Variants in AMPH observed in about 807,000 individuals in gnomAD.
AMPH encodes amphiphysin.
Under a neutral mutation model 99.1 loss-of-function variants are expected in AMPH, and 49 were observed. That is an observed-to-expected ratio of 0.49 (90% CI 0.39 to 0.63). The LOEUF (loss-of-function observed/expected upper bound fraction) is 0.63. Ranked by LOEUF, AMPH falls within the 20% of genes least tolerant of loss-of-function variation. The pLI is 0.00. For synonymous variants in AMPH, 314 were observed against 317.3 expected (o/e 0.99, Z 0.11); for missense variants, 759 against 863.4 (o/e 0.88, Z 1.52).
intron 2 of AMPH, among the ~76,000 whole-genome samples, chr7:38,510,023 C>G (rs1789481180): frequency 6.6e-6 from 1 of 152,152 alleles, no homozygotes; most frequent in South Asian, 2.1e-4. Flanking sequence ...CAGGCCTAAT[C>G]AACAGCCAGA....
intron 15 of AMPH, among the ~76,000 whole-genome samples, chr7:38,426,328 A>AC (rs1785781870): frequency 6.6e-6 from 1 of 152,178 alleles, no homozygotes; most frequent in Non-Finnish European, 1.5e-5. Flanking sequence ...TGGGACATAC[A>AC]CATACACTGT....
chr7:38,483,041 T>C (rs988293298), intron 5 of AMPH, among the ~76,000 whole-genome samples: 4 of 152,082 alleles, frequency 2.6e-5, no homozygotes, highest in Non-Finnish European at 4.4e-5. Context: ...GGAGCTACAT[T>C]CTTGCTATCC....
At chr7:38,606,006 C>A (rs145336503) in intron 1 of AMPH, among the ~76,000 whole-genome samples, 1 of 152,080 alleles carries the variant, frequency 6.6e-6, no homozygotes, top group Non-Finnish European at 1.5e-5. Context: ...AGAAAACGCT[C>A]GTGTCCTTAC....
At chr7:38,598,515 G>A (rs1213909050) in intron 1 of AMPH, among the ~76,000 whole-genome samples, 5 of 152,102 alleles carry the variant, frequency 3.3e-5, no homozygotes, top group African/African-American at 7.2e-5. Context: ...TGTTGGCCAG[G>A]CTGGTCTCGA....
At chr7:38,389,015 T>C (rs972025387) in intron 20 of AMPH, among the ~76,000 whole-genome samples, 2 of 152,184 alleles carry the variant, frequency 1.3e-5, no homozygotes, top group Non-Finnish European at 2.9e-5. Flanking sequence ...CTGATGTATC[T>C]TGGTAAGTGT....
intron 11 of AMPH, among the ~76,000 whole-genome samples, chr7:38,456,434 C>G (rs1250367336): frequency 1.3e-5 from 2 of 152,172 alleles, no homozygotes; most frequent in Non-Finnish European, 2.9e-5. Flanking sequence ...ATCTTGTCAC[C>G]CCAGTGCTTC....
chr7:38,546,601 C>T (rs1210038618), intron 1 of AMPH, among the ~76,000 whole-genome samples: 2 of 152,076 alleles, frequency 1.3e-5, no homozygotes, highest in African/African-American at 4.8e-5. Context: ...CCAGTATGTG[C>T]TTTGGGCAAT....
rs114260012 is a variant in AMPH, at chr7:38,519,554, C to T, written c.150+15377G>A. On this transcript the variant is annotated intron_variant, in intron 2 of 20. Transcript: ENST00000356264. ...GAAGAACATAACTTGGACTTAAAGA[C>T]AAGAAAAACATTCTTAGGCATAATT... is the stretch of plus-strand genomic sequence containing the variant. Among the ~76,000 whole-genome samples the T allele has an allele frequency of 8.4e-3, 1,274 of 152,132 alleles. 19 individuals are homozygous for T. Among genetic ancestry groups the T allele is most frequent in the African/African-American group, 0.029 (1,207 of 41,490 alleles).
chr7:38,402,231 C>G (rs1784860024), intron 17 of AMPH, among the ~76,000 whole-genome samples: 1 of 152,094 alleles, frequency 6.6e-6, no homozygotes. Context: ...TTTGTTTCAC[C>G]TATCGAGGTC....
chr7:38,448,719 T>C (rs1786887310), intron 11 of AMPH, among the ~76,000 whole-genome samples: 1 of 152,146 alleles, frequency 6.6e-6, no homozygotes, highest in African/African-American at 2.4e-5. Flanking sequence ...ATTAAAAGGA[T>C]AGTATAATGC....
intron 11 of AMPH, among the ~76,000 whole-genome samples, chr7:38,441,819 C>CATATATATCATATATCATATATATCAT (rs113890112): frequency 5.7e-5 from 4 of 70,670 alleles, no homozygotes; most frequent in South Asian, 5.5e-4. Flanking sequence ...TCATATATAT[C>CATATATATCATATATCATATATATCAT]ATATATCATA....
At chr7:38,512,465 G>A (rs1392323880) in intron 2 of AMPH, among the ~76,000 whole-genome samples, 1 of 152,154 alleles carries the variant, frequency 6.6e-6, no homozygotes, top group Non-Finnish European at 1.5e-5. Flanking sequence ...TAAATAATGA[G>A]TTTAATTCAC....
chr7:38,455,357 C>A (rs1787191217), intron 11 of AMPH, among the ~76,000 whole-genome samples: 1 of 152,186 alleles, frequency 6.6e-6, no homozygotes, highest in South Asian at 2.1e-4. Flanking sequence ...AGGTGTGAGC[C>A]ACTGCGCCCA....
chr7:38,576,952 T>C (rs779984092), intron 1 of AMPH, among the ~76,000 whole-genome samples: 11 of 152,200 alleles, frequency 7.2e-5, no homozygotes, highest in Non-Finnish European at 1.3e-4. Context: ...AATGAAATAA[T>C]ACATCTAGGG....
chr7:38,397,789 G>A (rs1784713998), intron 17 of AMPH, among the ~76,000 whole-genome samples: 1 of 152,010 alleles, frequency 6.6e-6, no homozygotes, highest in African/African-American at 2.4e-5. Context: ...AATACATAAG[G>A]ATCTCAAACA....
At chr7:38,415,300 T>C (rs1287067481) in intron 17 of AMPH, among the ~76,000 whole-genome samples, 1 of 152,094 alleles carries the variant, frequency 6.6e-6, no homozygotes, top group African/African-American at 2.4e-5. Context: ...TCATCTCAGG[T>C]GAAATGCATT....
At chr7:38,443,373 T>A (rs1024162618) in intron 11 of AMPH, among the ~76,000 whole-genome samples, 1 of 152,042 alleles carries the variant, frequency 6.6e-6, no homozygotes, top group Non-Finnish European at 1.5e-5. Flanking sequence ...ACCCTAGTAT[T>A]AAATCATAAA....
chr7:38,511,007 C>T (rs751653704), intron 2 of AMPH, among the ~76,000 whole-genome samples: 1 of 152,136 alleles, frequency 6.6e-6, no homozygotes, highest in Non-Finnish European at 1.5e-5. Context: ...TCTGCCACTT[C>T]TAACCATGCA....
At chr7:38,609,888 A>C (rs1793566005) in intron 1 of AMPH, among the ~76,000 whole-genome samples, 1 of 152,088 alleles carries the variant, frequency 6.6e-6, no homozygotes, top group African/African-American at 2.4e-5. Flanking sequence ...TTTTTCAAAA[A>C]CTTACTCTGT....
Sources: gnomAD v4.1 joint callset for allele counts (sites outside exome capture counted in the v4.1 genomes callset) on GRCh38, gnomAD v4.1.1 for gene constraint, MANE v1.5 for transcripts, NCBI Gene and HGNC (gene_info 2026-07-23, HGNC 2026-07-21) for gene names.